IL16: variants seen among roughly 807,000 people sequenced by gnomAD.
IL16 encodes pro-interleukin-16.
In IL16, 67 loss-of-function variants were observed where a neutral mutation model predicts 110.1. The observed-to-expected ratio is 0.61, with a 90% CI of 0.50 to 0.75. IL16 has a LOEUF of 0.75. IL16 is among the 30% of genes least tolerant of loss of function. IL16 has a pLI of 0.00. For synonymous variants in IL16, 689 were observed against 662.9 expected (o/e 1.04, Z -0.61); for missense variants, 1,545 against 1,655.0 (o/e 0.93, Z 1.15).
chr15:81,277,300 G>A (rs962140205), intron 6 of IL16, among the ~76,000 whole-genome samples: 2 of 152,162 alleles, frequency 1.3e-5, no homozygotes, highest in African/African-American at 4.8e-5. Flanking sequence ...GAGATAGTAT[G>A]CAAAAAGATA....
intron 1 of IL16, among the ~76,000 whole-genome samples, chr15:81,223,852 C>T (rs1325057436): frequency 2.6e-5 from 4 of 152,200 alleles, no homozygotes; most frequent in Non-Finnish European, 5.9e-5. Context: ...CACAGTCAGG[C>T]ATGAACTCTG....
rs201119894 is a variant in IL16, at chr15:81,302,990, G to A, written c.3319-559G>A. Among the ~76,000 whole-genome samples the A allele has an allele frequency of 9.3e-5, 14 of 150,812 alleles. No individual in the cohort carries two copies. The East Asian group carries it at 2.2e-3, about 23-fold the overall frequency. On this transcript the variant is annotated intron_variant, in intron 15 of 18. Transcript: ENST00000683961. ...GTGTCCTGGCTCCATGGGAGTCCCC[G>A]TCTAGGCTAGGAAGTACCGTAGTAA...
Position 81,182,872 on chromosome 15 carries a change from A to T in IL16, c.16A>T (p.Arg6Ter), listed in dbSNP as rs1895364529. 1 of 1,289,440 alleles carries T rather than the reference A, an allele frequency of 7.8e-7. No homozygotes were observed. Among genetic ancestry groups the T allele is most frequent in the Non-Finnish European group, 1.0e-6 (1 of 988,616 alleles). The allele number at this position is 1,289,440 out of a possible 1,614,324, so 79.9% of individuals were successfully genotyped here. Residue 6 changes from arginine to a stop codon, truncating the protein, a stop_gained, in exon 1 of 19, where the codon AGA (arginine) becomes TGA (stop). Coordinates refer to the IL16 transcript ENST00000302987. LOFTEE classifies it high-confidence loss of function. ...ACCCTGTGCAATGAGTTTGCAGAAGAGAGTCTTCCCGAGAAGGCAGAACGG... is the reference window on the plus strand; with the variant it reads ...ACCCTGTGCAATGAGTTTGCAGAAGTGAGTCTTCCCGAGAAGGCAGAACGG...
At chr15:81,204,492 G>A (rs918775262) in intron 1 of IL16, among the ~76,000 whole-genome samples, 49 of 151,992 alleles carry the variant, frequency 3.2e-4, no homozygotes, top group African/African-American at 9.7e-4. Flanking sequence ...TTTGAAATAC[G>A]TCCCATCAAT....
rs149303749 is a variant in IL16, at chr15:81,233,310, T to A, written c.312+7599T>A. ...CAGTAGCACAACCAGCATATTGATTTTGATGCAAACCATTAACGTTACTCA... is the reference window on the plus strand; with the variant it reads ...CAGTAGCACAACCAGCATATTGATTATGATGCAAACCATTAACGTTACTCA... On this transcript the variant is annotated intron_variant, in intron 2 of 18. Transcript: ENST00000683961. Among the ~76,000 whole-genome samples, 1,055 of 152,258 alleles carry A rather than the reference T, an allele frequency of 6.9e-3. 18 individuals carry two copies. Among genetic ancestry groups the A allele is most frequent in the African/African-American group, 0.024 (986 of 41,578 alleles).
intron 2 of IL16, among the ~76,000 whole-genome samples, chr15:81,246,184 G>T (rs74030046): frequency 2.0e-5 from 3 of 151,818 alleles, no homozygotes; most frequent in East Asian, 1.9e-4. Flanking sequence ...AACTCTTTCC[G>T]CAAAGAAGTT....
At chr15:81,271,712 A>G (rs1216686851) in intron 5 of IL16, among the ~76,000 whole-genome samples, 1 of 152,038 alleles carries the variant, frequency 6.6e-6, no homozygotes, top group Non-Finnish European at 1.5e-5. Flanking sequence ...CCCGTGGAGG[A>G]GCCCTGAAGG....
At position 81,196,981 on chromosome 15, in the gene IL16, C is replaced by A; in HGVS notation, c.-273C>A. The A allele has an allele frequency of 7.8e-7, 1 of 1,276,888 alleles. No homozygotes were observed. The highest frequency in any genetic ancestry group is 1.0e-6 in the Non-Finnish European group (1 of 985,104). The allele number at this position is 1,276,888 out of a possible 1,614,324, so 79.1% of individuals were successfully genotyped here. On this transcript the variant is annotated 5_prime_UTR_variant, in exon 1 of 19. Coordinates refer to ENST00000683961, the MANE Select transcript of IL16 (RefSeq NM_172217.5). ...TGGGATCTGACTCAAAGGCCGGCCT[C>A]CGTCTGAGAACTGAGCGTCCATTTC...
intron 10 of IL16, 60 bp from the exon 11 acceptor site, chr15:81,290,393 C>G (rs1321067393): frequency 8.1e-7 from 1 of 1,239,126 alleles, no homozygotes; most frequent in East Asian, 2.5e-5. Flanking sequence ...TGGTACGGGG[C>G]TGGGAGCCTG....
At chr15:81,241,476 T>C (rs1326238002) in intron 2 of IL16, among the ~76,000 whole-genome samples, 2 of 152,130 alleles carry the variant, frequency 1.3e-5, no homozygotes, top group Non-Finnish European at 2.9e-5. Flanking sequence ...TTTTTATAAT[T>C]TTCTTCAGCA....
At chr15:81,198,010 C>G (rs1467112812) in intron 1 of IL16, among the ~76,000 whole-genome samples, 1 of 152,108 alleles carries the variant, frequency 6.6e-6, no homozygotes, top group African/African-American at 2.4e-5. Flanking sequence ...AGGAGAAGAC[C>G]GTTCAGCCTT....
rs752514145 is a variant in IL16, at chr15:81,282,694, C to T, written c.1137C>T (p.Ile379=). Residue 379 remains isoleucine (I), a synonymous_variant, in exon 9 of 19, where the codon ATC becomes ATT. Coordinates refer to ENST00000683961, the MANE Select transcript of IL16 (RefSeq NM_172217.5). Reference sequence around the variant, plus strand: ...GCAGCGTTCCCTACTTCCAATGCATCTCTGGCATTTTCGTCCACACGCTGT... The same window carrying T: ...GCAGCGTTCCCTACTTCCAATGCATTTCTGGCATTTTCGTCCACACGCTGT... The part of the protein sequence containing the change: ...GLCSVPYFQC[I]SGIFVHTLSP... 6.2e-7 allele frequency: 1 copy of T among 1,614,178 alleles called. No individual in the cohort carries two copies. Among genetic ancestry groups the T allele is most frequent in the East Asian group, 2.2e-5 (1 of 44,894 alleles).
intron 1 of IL16, among the ~76,000 whole-genome samples, chr15:81,221,683 T>TAA (rs34717132): frequency 0.017 from 2,478 of 148,944 alleles, 68 homozygotes; most frequent in African/African-American, 0.058. Context: ...TCTCTTCCTT[T>TAA]AAAAAAAAAA....
chr15:81,234,867 T>C (rs2142078028), intron 2 of IL16, among the ~76,000 whole-genome samples: 1 of 152,358 alleles, frequency 6.6e-6, no homozygotes, highest in South Asian at 2.1e-4. Flanking sequence ...TTGACAAATA[T>C]ACCTTGATAA....
At chr15:81,246,703 C>G (rs1004824102) in intron 2 of IL16, among the ~76,000 whole-genome samples, 1 of 152,132 alleles carries the variant, frequency 6.6e-6, no homozygotes, top group African/African-American at 2.4e-5. Flanking sequence ...TGCCACCCTT[C>G]TAAAATGTGA....
intron 2 of IL16, among the ~76,000 whole-genome samples, chr15:81,243,164 T>TATATA (rs60077602): frequency 1.3e-4 from 2 of 15,762 alleles, no homozygotes; most frequent in African/African-American, 3.1e-4. Flanking sequence ...TATATATATA[T>TATATA]TTTTTTTTTT....
chr15:81,211,478 C>T (rs889949298), intron 1 of IL16, among the ~76,000 whole-genome samples: 22 of 152,162 alleles, frequency 1.4e-4, no homozygotes, highest in African/African-American at 5.1e-4. Flanking sequence ...TGTCAAAATC[C>T]TGACCTCAGG....
chr15:81,269,695 G>A (rs1898550740), intron 5 of IL16, 47 bp downstream of exon 5: 1 of 1,334,638 alleles, frequency 7.5e-7, no homozygotes, highest in Non-Finnish European at 1.1e-6. Flanking sequence ...GGCAGCACCA[G>A]TCTCCAAGGA....
At chr15:81,256,649 A>G (rs1897958264) in intron 2 of IL16, among the ~76,000 whole-genome samples, 1 of 152,250 alleles carries the variant, frequency 6.6e-6, no homozygotes, top group African/African-American at 2.4e-5. Flanking sequence ...CAGACTCTAC[A>G]TTTTTAAAGG....
Sources: gnomAD v4.1 joint callset for allele counts (sites outside exome capture counted in the v4.1 genomes callset) on GRCh38, gnomAD v4.1.1 for gene constraint, MANE v1.5 for transcripts, NCBI Gene and HGNC (gene_info 2026-07-23, HGNC 2026-07-21) for gene names.